TMEM51: variants seen among roughly 807,000 people sequenced by gnomAD.
TMEM51 encodes transmembrane protein 51.
Under a neutral mutation model 13.6 loss-of-function variants are expected in TMEM51, and 8 were observed. The observed-to-expected ratio is 0.59, with a 90% CI of 0.35 to 1.07. The LOEUF (loss-of-function observed/expected upper bound fraction) is 1.07. TMEM51 is among the 50% of genes least tolerant of loss of function. TMEM51 has a pLI of 0.02. For missense variants in TMEM51, 279 were observed against 330.7 expected, an observed-to-expected ratio of 0.84 and a Z score of 1.21; for synonymous variants, 147 against 144.4, an observed-to-expected ratio of 1.02 and a Z score of -0.13.
At chr1:15,206,785 C>T (rs912199420) in intron 1 of TMEM51, among the ~76,000 whole-genome samples, 3 of 152,172 alleles carry the variant, frequency 2.0e-5, no homozygotes, top group African/African-American at 7.2e-5. Flanking sequence ...CTTCTTTTTC[C>T]CATCAGCTCT....
At chr1:15,183,394 C>T (rs1643678598) in intron 1 of TMEM51, among the ~76,000 whole-genome samples, 1 of 152,152 alleles carries the variant, frequency 6.6e-6, no homozygotes, top group Non-Finnish European at 1.5e-5. Flanking sequence ...CCCACCTAGC[C>T]CCAGGTACCC....
At position 15,161,456 on chromosome 1, in the gene TMEM51, G is replaced by C. The variant is rs959166691; in HGVS notation, c.-267+7502G>C. ...GAAAGCAGAGGTTGCAGTGAGCCGA[G>C]ATCGTGCCACTGAACTCCAGCCTGG... On this transcript the variant is annotated intron_variant, in intron 1 of 3. Transcript: ENST00000376008. This position sits in a 1 kb window ranked among gnomAD's most constrained non-coding sequence, Gnocchi z 4.0. 2.0e-5 allele frequency among the ~76,000 whole-genome samples: 3 copies of C among 151,938 alleles called. No individual in the cohort carries two copies. Among genetic ancestry groups the C allele is most frequent in the African/African-American group, 7.3e-5 (3 of 41,254 alleles).
intron 1 of TMEM51, among the ~76,000 whole-genome samples, chr1:15,175,608 T>G (rs1050410035): frequency 1.3e-5 from 2 of 152,176 alleles, no homozygotes; most frequent in Non-Finnish European, 2.9e-5. Context: ...GAGGTTTAAT[T>G]GACTCACAGT....
At chr1:15,184,456 G>A (rs1643711682) in intron 1 of TMEM51, among the ~76,000 whole-genome samples, 1 of 152,208 alleles carries the variant, frequency 6.6e-6, no homozygotes, top group Non-Finnish European at 1.5e-5. Context: ...AGGCAAGTGG[G>A]GAGTTTGGAT....
At chr1:15,168,577 A>G (rs753362887) in intron 1 of TMEM51, 4 of 1,304,676 alleles carry the variant, frequency 3.1e-6, no homozygotes, top group Non-Finnish European at 4.0e-6. Context: ...GGCTAAGAGG[A>G]ACTGTGCCTG....
chr1:15,166,913 C>T (rs1177042067), intron 1 of TMEM51, among the ~76,000 whole-genome samples: 1 of 152,158 alleles, frequency 6.6e-6, no homozygotes, highest in Non-Finnish European at 1.5e-5. Flanking sequence ...TTCCTGTCTC[C>T]ACCCCCCAGC....
At position 15,220,360 on chromosome 1, in the gene TMEM51, C is replaced by T. The variant is rs1190353257; in HGVS notation, c.*617C>T. 4 of 135,496 alleles carry T rather than the reference C, an allele frequency of 3.0e-5. No homozygotes were observed. Among genetic ancestry groups the T allele is most frequent in the African/African-American group, 8.4e-5 (3 of 35,784 alleles). 8.4% of individuals were successfully genotyped at this position (135,496 alleles called of 1,614,324 possible). ...GTCTTCAATGGTACACTTAACTAGTCTCTTCTGTGTAACAGCAAAAAAAAA... is the reference window on the plus strand; with the variant it reads ...GTCTTCAATGGTACACTTAACTAGTTTCTTCTGTGTAACAGCAAAAAAAAA... On this transcript the variant is annotated 3_prime_UTR_variant, in exon 4 of 4. Coordinates refer to ENST00000376008, the MANE Select transcript of TMEM51 (RefSeq NM_001136218.2).
rs55802835 is a variant in TMEM51, at chr1:15,164,790, C to CTT, written c.-267+10850_-267+10851dup. On this transcript the variant is annotated intron_variant, in intron 1 of 3. Coordinates refer to ENST00000376008, the MANE Select transcript of TMEM51 (RefSeq NM_001136218.2). ...GTTCTGAATCCATGCGGGAGCTTTGCTTTTTTTTTTTTTTTCCTTTTTTTT... is the reference window on the plus strand; with the variant it reads ...GTTCTGAATCCATGCGGGAGCTTTGCTTTTTTTTTTTTTTTTTCCTTTTTTTT... Among the ~76,000 whole-genome samples, 545 of 126,290 alleles carry CTT rather than the reference C, an allele frequency of 4.3e-3. 1 individual carries two copies. The highest frequency in any genetic ancestry group is 5.8e-3 in the Non-Finnish European group (363 of 62,656). The allele number at this position is 126,290 out of a possible 152,430, so 82.9% of individuals were successfully genotyped here.
Position 15,215,224 on chromosome 1 carries a change from A to C in TMEM51, c.137A>C (p.Gln46Pro). ...GFSAAEKPTA[Q>P]GSNKTEVGGG... ...AGCGCGGCCGAGAAGCCAACAGCTCAGGGCAGCAACAAGACCGAGGTGGGT... is the reference window on the plus strand; with the variant it reads ...AGCGCGGCCGAGAAGCCAACAGCTCCGGGCAGCAACAAGACCGAGGTGGGT... The change falls in exon 3 of 4, where the codon CAG becomes CCG. Residue 46 changes from glutamine to proline, a missense_variant. Coordinates refer to ENST00000376008, the MANE Select transcript of TMEM51 (RefSeq NM_001136218.2). 6.2e-7 allele frequency: 1 copy of C among 1,614,216 alleles called. No individual in the cohort carries two copies. The highest frequency in any genetic ancestry group is 8.5e-7 in the Non-Finnish European group (1 of 1,180,030).
intron 1 of TMEM51, among the ~76,000 whole-genome samples, chr1:15,203,302 G>C (rs1644190585): frequency 6.6e-6 from 1 of 152,096 alleles, no homozygotes; most frequent in Admixed American, 6.6e-5. Context: ...CACCCAGGCT[G>C]GAGTGCAGTG....
chr1:15,173,024 C>T (rs944004815), intron 1 of TMEM51, among the ~76,000 whole-genome samples: 10 of 152,116 alleles, frequency 6.6e-5, no homozygotes, highest in African/African-American at 2.4e-4. Flanking sequence ...TAAATGGGCT[C>T]AATGCCTACC....
At chr1:15,170,410 G>A (rs1008852777) in intron 1 of TMEM51, among the ~76,000 whole-genome samples, 1 of 148,804 alleles carries the variant, frequency 6.7e-6, no homozygotes, top group East Asian at 2.0e-4. Flanking sequence ...CCAGTTTCAA[G>A]CGATTCTCCT....
chr1:15,163,400 C>T (rs1642860749), intron 1 of TMEM51, among the ~76,000 whole-genome samples: 5 of 151,966 alleles, frequency 3.3e-5, no homozygotes. Context: ...AGACCTATTA[C>T]TGCTGCCTTA....
chr1:15,217,696 C>CA (rs778033208), intron 3 of TMEM51, among the ~76,000 whole-genome samples: 1 of 152,100 alleles, frequency 6.6e-6, no homozygotes, highest in Non-Finnish European at 1.5e-5. Flanking sequence ...CCAGCTCAAG[C>CA]AGTGAGGCAG....
intron 1 of TMEM51, among the ~76,000 whole-genome samples, chr1:15,188,970 C>T (rs1420398264): frequency 6.6e-6 from 1 of 152,188 alleles, no homozygotes; most frequent in African/African-American, 2.4e-5. Context: ...TCCACCCTTA[C>T]TGGGCAGTAC....
intron 1 of TMEM51, among the ~76,000 whole-genome samples, chr1:15,170,394 C>A (rs57884380): frequency 2.0e-5 from 3 of 151,170 alleles, no homozygotes; most frequent in Non-Finnish European, 4.4e-5. Flanking sequence ...CTGCAACCTC[C>A]GCCTTCCAGT....
At chr1:15,164,488 TG>T in intron 1 of TMEM51, 1 of 456,126 alleles carries the variant, frequency 2.2e-6, no homozygotes, top group Non-Finnish European at 4.4e-6. Context: ...TGCTTCTCAC[TG>T]AATCATGTTA....
chr1:15,201,238 A>G (rs1644150056), intron 1 of TMEM51, among the ~76,000 whole-genome samples: 1 of 152,218 alleles, frequency 6.6e-6, no homozygotes, highest in Non-Finnish European at 1.5e-5. Context: ...GGGAAGTTTA[A>G]GCATGGTAAT....
intron 1 of TMEM51, among the ~76,000 whole-genome samples, chr1:15,182,775 T>C (rs1181697386): frequency 6.6e-6 from 1 of 152,144 alleles, no homozygotes; most frequent in African/African-American, 2.4e-5. Flanking sequence ...GTTTCTTCTT[T>C]TGGGGGGCAC....
Sources: gnomAD v4.1 joint callset for allele counts (sites outside exome capture counted in the v4.1 genomes callset) on GRCh38, gnomAD v4.1.1 for gene constraint, Gnocchi (gnomAD v3.1) non-coding constraint, MANE v1.5 for transcripts, NCBI Gene and HGNC (gene_info 2026-07-23, HGNC 2026-07-21) for gene names.